ASH1L: variants seen among roughly 807,000 people sequenced by gnomAD.
ASH1L encodes ASH1 like histone lysine methyltransferase.
In ASH1L, 23 loss-of-function variants were observed where a neutral mutation model predicts 269.0. The ratio of observed to expected loss-of-function variants is 0.09; its 90% CI spans 0.06 to 0.12. The LOEUF (loss-of-function observed/expected upper bound fraction) is 0.12, where lower values mean the gene tolerates loss of function less well. Among genes scored for constraint, ASH1L ranks in the 10% least tolerant of loss-of-function variants. The pLI is 1.00. For missense variants in ASH1L, 2,912 were observed against 3,567.8 expected (o/e 0.82, Z 4.68); for synonymous variants, 1,187 against 1,253.5 (o/e 0.95, Z 1.12).
chr1:155,411,596 T>TATAA (rs1220672308), intron 6 of ASH1L, among the ~76,000 whole-genome samples: 13 of 50,090 alleles, frequency 2.6e-4, no homozygotes, highest in Admixed American at 2.4e-3. Context: ...AATATATATA[T>TATAA]ATATATATAT....
At chr1:155,404,132 G>A (rs985849412) in intron 6 of ASH1L, among the ~76,000 whole-genome samples, 1 of 151,200 alleles carries the variant, frequency 6.6e-6, no homozygotes, top group African/African-American at 2.4e-5. Context: ...GGAGGCCAAA[G>A]AGGGACTTGA....
At chr1:155,498,427 A>AT (rs1027269010) in intron 2 of ASH1L, among the ~76,000 whole-genome samples, 1 of 151,748 alleles carries the variant, frequency 6.6e-6, no homozygotes, top group Non-Finnish European at 1.5e-5. Context: ...TTGTTTGTTC[A>AT]TTTTTTTGTT....
At chr1:155,557,928 T>C (rs1248540909) in intron 1 of ASH1L, among the ~76,000 whole-genome samples, 1 of 152,218 alleles carries the variant, frequency 6.6e-6, no homozygotes, top group Non-Finnish European at 1.5e-5. Flanking sequence ...ATAGTGAGGT[T>C]GTATACTACC....
At chr1:155,465,058 ACAAAC>A (rs960461407) in intron 3 of ASH1L, among the ~76,000 whole-genome samples, 7 of 152,156 alleles carry the variant, frequency 4.6e-5, no homozygotes, top group Non-Finnish European at 2.9e-5. Flanking sequence ...AGGAACTAAA[ACAAAC>A]CAAAGATATA....
At chr1:155,547,077 C>T (rs1298768974) in intron 1 of ASH1L, among the ~76,000 whole-genome samples, 4 of 150,338 alleles carry the variant, frequency 2.7e-5, no homozygotes, top group South Asian at 2.1e-4. Context: ...CTCAGCCTCC[C>T]GAGTAACTGG....
At chr1:155,488,730 T>G (rs545214860) in intron 2 of ASH1L, among the ~76,000 whole-genome samples, 1 of 146,664 alleles carries the variant, frequency 6.8e-6, no homozygotes, top group African/African-American at 2.5e-5. Flanking sequence ...ACTGATGATA[T>G]TATCCTCTTA....
At chr1:155,377,987 C>T (rs570677028) in intron 10 of ASH1L, among the ~76,000 whole-genome samples, 34 of 151,086 alleles carry the variant, frequency 2.3e-4, no homozygotes, top group African/African-American at 8.0e-4. Flanking sequence ...CGCGCCACTG[C>T]ACTCCAGCCT....
chr1:155,469,415 T>C (rs184351936), intron 3 of ASH1L, among the ~76,000 whole-genome samples: 1 of 152,274 alleles, frequency 6.6e-6, no homozygotes, highest in African/African-American at 2.4e-5. Flanking sequence ...ACTCCCGACC[T>C]CAGGTGATCT....
chr1:155,497,594 G>A (rs1008153665), intron 2 of ASH1L, among the ~76,000 whole-genome samples: 17 of 152,096 alleles, frequency 1.1e-4, no homozygotes, highest in Admixed American at 5.9e-4. Context: ...TAAGGCTTCT[G>A]GTCAACAGTA....
intron 5 of ASH1L, among the ~76,000 whole-genome samples, chr1:155,424,554 T>C (rs913408469): frequency 6.6e-6 from 1 of 151,858 alleles, no homozygotes; most frequent in Admixed American, 6.6e-5. Context: ...ATTACGGGCA[T>C]GCGCCACTAC....
At chr1:155,367,271 C>T (rs1230767141) in intron 12 of ASH1L, among the ~76,000 whole-genome samples, 5 of 152,176 alleles carry the variant, frequency 3.3e-5, no homozygotes, top group African/African-American at 9.7e-5. Context: ...GGATTATAGG[C>T]GTAAGCCACT....
intron 3 of ASH1L, among the ~76,000 whole-genome samples, chr1:155,463,337 G>A (rs987039885): frequency 1.3e-5 from 2 of 152,202 alleles, no homozygotes; most frequent in African/African-American, 4.8e-5. Flanking sequence ...AGAATCTATA[G>A]AAGTAAATGT....
chr1:155,348,595 T>C (rs771143671), intron 19 of ASH1L, among the ~76,000 whole-genome samples: 1 of 152,106 alleles, frequency 6.6e-6, no homozygotes, highest in Non-Finnish European at 1.5e-5. Context: ...TCAAGATATA[T>C]TACTGGCCAG....
At chr1:155,402,623 T>TG (rs1658946263) in intron 6 of ASH1L, among the ~76,000 whole-genome samples, 1 of 152,164 alleles carries the variant, frequency 6.6e-6, no homozygotes, top group South Asian at 2.1e-4. Flanking sequence ...CATAATTCAA[T>TG]GCAGCCTTGA....
chr1:155,452,456 T>C (rs1044440725), intron 4 of ASH1L, among the ~76,000 whole-genome samples: 4 of 152,198 alleles, frequency 2.6e-5, no homozygotes, highest in African/African-American at 9.6e-5. Context: ...GTAGAACAGT[T>C]TGACAGTTTG....
chr1:155,549,340 CA>C (rs552143208), intron 1 of ASH1L, among the ~76,000 whole-genome samples: 1 of 150,882 alleles, frequency 6.6e-6, no homozygotes, highest in Non-Finnish European at 1.5e-5. Context: ...GACCCTGTCT[CA>C]AAAAAAAACT....
chr1:155,513,571 CA>C (rs767517719), intron 2 of ASH1L, among the ~76,000 whole-genome samples: 6,047 of 82,982 alleles, frequency 0.073, 352 homozygotes, highest in African/African-American at 0.22. Context: ...GATCCTGTAT[CA>C]AAAAAAAAAA....
At chr1:155,454,255 TA>T (rs1390363629) in intron 4 of ASH1L, among the ~76,000 whole-genome samples, 3 of 152,100 alleles carry the variant, frequency 2.0e-5, no homozygotes, top group Admixed American at 1.3e-4. Flanking sequence ...ATGGTTTATG[TA>T]ACTTCCACAA....
Position 155,337,697 on chromosome 1 carries a change from C to G in ASH1L, c.8858G>C (p.Arg2953Pro), listed in dbSNP as rs887117525. 2 of 1,613,832 alleles carry G rather than the reference C, an allele frequency of 1.2e-6. No individual in the cohort carries two copies. Among genetic ancestry groups the G allele is most frequent in the African/African-American group, 1.3e-5 (1 of 74,918 alleles). Residue 2953 changes from arginine to proline, a missense_variant, in exon 28 of 28, where the codon CGT (arginine) becomes CCT (proline). Arg to Pro is a moderately radical substitution (Grantham distance 103). Coordinates refer to ENST00000392403, the MANE Select transcript of ASH1L (RefSeq NM_018489.3). ...EEGSGRKLRR[R>P]TLFIPENSFR... ...GCTGTTTTCTGGGATAAACAAAGTA[C>G]GCCTTCGCAGTTTCCTGCCTGATCC...
Sources: gnomAD v4.1 joint callset for allele counts (sites outside exome capture counted in the v4.1 genomes callset) on GRCh38, gnomAD v4.1.1 for gene constraint, MANE v1.5 for transcripts, NCBI Gene and HGNC (gene_info 2026-07-23, HGNC 2026-07-21) for gene names.